Variants in SHC3 observed in about 807,000 individuals in gnomAD.
SHC3 encodes SHC adaptor protein 3.
A neutral mutation model predicts 60.4 loss-of-function variants in SHC3; 15 were observed. That is an observed-to-expected ratio of 0.25 (90% CI 0.17 to 0.38). The LOEUF is 0.38. Ranked by LOEUF, SHC3 falls within the 10% of genes least tolerant of loss-of-function variation. The pLI, the probability that SHC3 is intolerant of heterozygous loss-of-function variation, is 1.00. For missense variants in SHC3, 677 were observed against 786.1 expected (o/e 0.86, Z 1.66); for synonymous variants, 294 against 325.9 (o/e 0.90, Z 1.05).
intron 2 of SHC3, among the ~76,000 whole-genome samples, chr9:89,080,600 G>A (rs1168239064): frequency 6.6e-6 from 1 of 152,056 alleles, no homozygotes; most frequent in Non-Finnish European, 1.5e-5. Context: ...GCATTTGAGT[G>A]AGTGGGCAGC....
At chr9:89,098,739 A>G (rs1030508274) in intron 2 of SHC3, among the ~76,000 whole-genome samples, 2 of 151,990 alleles carry the variant, frequency 1.3e-5, no homozygotes, top group African/African-American at 2.4e-5. Flanking sequence ...TGAACCTGGG[A>G]GGCGGAGCTT....
At chr9:89,077,190 A>C (rs1019746959) in intron 3 of SHC3, among the ~76,000 whole-genome samples, 2 of 152,064 alleles carry the variant, frequency 1.3e-5, no homozygotes, top group Non-Finnish European at 2.9e-5. Context: ...AAAACAAAAA[A>C]AAAAACAAAA....
intron 1 of SHC3, among the ~76,000 whole-genome samples, chr9:89,127,522 A>C (rs1042616938): frequency 6.6e-6 from 1 of 152,136 alleles, no homozygotes; most frequent in Non-Finnish European, 1.5e-5. Flanking sequence ...AAACCCCAGG[A>C]ATTAAAAGTG....
intron 2 of SHC3, among the ~76,000 whole-genome samples, chr9:89,105,833 G>C (rs1362911666): frequency 6.6e-6 from 1 of 152,150 alleles, no homozygotes; most frequent in African/African-American, 2.4e-5. Context: ...ACTTCAGTTT[G>C]TTGCATCAAA....
In SHC3 at chr9:89,110,338, G is replaced by A. The variant is rs919339998; in HGVS notation, c.545+2218C>T. On this transcript the variant is annotated intron_variant, in intron 2 of 11. Transcript: ENST00000375835. ...TTTTAATAAAAGGTGTGACTGGAGT[G>A]CCTTTGGAAACCAGTTTTCCTGGTG... The A allele has an allele frequency of 5.1e-6, 5 of 984,726 alleles. No homozygotes were observed. In the African/African-American group the frequency reaches 7.0e-5, roughly 14 times the overall value. 61.0% of individuals were successfully genotyped at this position (984,726 alleles called of 1,614,324 possible).
rs181494980 is a variant in SHC3, at chr9:89,153,943, G to A, written c.474+24044C>T. On this transcript the variant is annotated intron_variant, in intron 1 of 11. Transcript: ENST00000375835. ...AGAGCCTTTCACAGACATTCCCTTCGTTCCTCCTGACGACCTTATAAACAG... is the reference window on the plus strand; with the variant it reads ...AGAGCCTTTCACAGACATTCCCTTCATTCCTCCTGACGACCTTATAAACAG... 1.3e-3 allele frequency among the ~76,000 whole-genome samples: 205 copies of A among 152,216 alleles called. 1 individual carries two copies. The highest frequency in any genetic ancestry group is 4.5e-3 in the African/African-American group (187 of 41,526).
At chr9:89,168,794 T>C (rs1826827063) in intron 1 of SHC3, among the ~76,000 whole-genome samples, 1 of 152,314 alleles carries the variant, frequency 6.6e-6, no homozygotes, top group East Asian at 1.9e-4. Context: ...AATAAACAGA[T>C]GGCCTTCCCC....
At chr9:89,163,787 T>G (rs1826745866) in intron 1 of SHC3, among the ~76,000 whole-genome samples, 1 of 151,936 alleles carries the variant, frequency 6.6e-6, no homozygotes, top group South Asian at 2.1e-4. Flanking sequence ...ACTGGGTGGC[T>G]TAAACTACAC....
At chr9:89,160,367 C>T (rs549327929) in intron 1 of SHC3, among the ~76,000 whole-genome samples, 28 of 152,198 alleles carry the variant, frequency 1.8e-4, no homozygotes, top group African/African-American at 6.3e-4. Flanking sequence ...TTTCTGATAA[C>T]CCCAGCCCAC....
At position 89,038,858 on chromosome 9, in the gene SHC3, C is replaced by T. The variant is rs150003652; in HGVS notation, c.1361-570G>A. ...TGTGACTTGCCCCAGGCTAGGAGCT[C>T]CACCTTCCCTTAACCTTCACTTGTT... On this transcript the variant is annotated intron_variant, in intron 10 of 11. Coordinates refer to ENST00000375835, the MANE Select transcript of SHC3 (RefSeq NM_016848.6). 6.7e-3 allele frequency among the ~76,000 whole-genome samples: 1,013 copies of T among 152,312 alleles called. 3 individuals are homozygous for T. The highest frequency in any genetic ancestry group is 0.011 in the South Asian group (53 of 4,828).
chr9:89,131,896 AAGTT>A (rs1197048850), intron 1 of SHC3, among the ~76,000 whole-genome samples: 1 of 152,174 alleles, frequency 6.6e-6, no homozygotes, highest in East Asian at 1.9e-4. Context: ...ATAGTGTTGG[AAGTT>A]CTGGCCAGGG....
chr9:89,155,607 C>T (rs1019301389), intron 1 of SHC3, among the ~76,000 whole-genome samples: 2 of 152,176 alleles, frequency 1.3e-5, no homozygotes, highest in African/African-American at 4.8e-5. Flanking sequence ...AAAAGCCACC[C>T]TAAGTAGCCC....
chr9:89,162,294 C>A (rs1297753655), intron 1 of SHC3, among the ~76,000 whole-genome samples: 3 of 151,514 alleles, frequency 2.0e-5, no homozygotes, highest in African/African-American at 4.9e-5. Flanking sequence ...AGTCAATCCT[C>A]AGCCAAAAGA....
chr9:89,124,863 AAAT>A (rs1482822577), intron 1 of SHC3, among the ~76,000 whole-genome samples: 2 of 152,168 alleles, frequency 1.3e-5, no homozygotes, highest in African/African-American at 4.8e-5. Flanking sequence ...ATAAAAAAAA[AAAT>A]AAGAAATCTG....
intron 2 of SHC3, among the ~76,000 whole-genome samples, chr9:89,084,211 A>T (rs1224733277): frequency 6.6e-6 from 1 of 152,180 alleles, no homozygotes; most frequent in Non-Finnish European, 1.5e-5. Flanking sequence ...TTAGCAGTTC[A>T]CCTGTGCCAT....
intron 2 of SHC3, chr9:89,109,012 G>A (rs1325059294): frequency 5.1e-6 from 5 of 972,292 alleles, no homozygotes; most frequent in Admixed American, 6.2e-5. Context: ...CTCGACTTCT[G>A]ACATTCTCTG....
At chr9:89,045,909 A>T (rs1824764833) in intron 8 of SHC3, 76 bp from the exon 9 acceptor site, 3 of 1,442,896 alleles carry the variant, frequency 2.1e-6, no homozygotes, top group Non-Finnish European at 2.9e-6. Context: ...GCCACAAGAC[A>T]GTCGGCGAGT....
Position 89,007,081 on chromosome 9 carries a change from G to C in SHC3, c.*6366C>G, listed in dbSNP as rs1217254486. On this transcript the variant is annotated 3_prime_UTR_variant, in exon 12 of 12. Transcript: ENST00000375835. ...TTTTTCAGCGAGAACCATTTTTCCA[G>C]ACCTAGGGAAGGAGCCTGTGTGTTT... The C allele has an allele frequency of 6.6e-6, 1 of 152,176 alleles. No individual in the cohort carries two copies. Among genetic ancestry groups the C allele is most frequent in the Non-Finnish European group, 1.5e-5 (1 of 68,016 alleles). 9.4% of individuals were successfully genotyped at this position (152,176 alleles called of 1,614,324 possible).
In SHC3 at chr9:89,082,694, G is replaced by A. The variant is rs140129092; in HGVS notation, c.546-4791C>T. 9.2e-5 allele frequency among the ~76,000 whole-genome samples: 14 copies of A among 152,286 alleles called. No homozygotes were observed. In the East Asian group the frequency reaches 2.3e-3, roughly 25 times the overall value. ...CCCTCTTCCCAAGCCCTTTGTAGGA[G>A]GGCCAGCCCTCCCTTGAACTGTTGG... On this transcript the variant is annotated intron_variant, in intron 2 of 11. Transcript: ENST00000375835.
Sources: gnomAD v4.1 joint callset for allele counts (sites outside exome capture counted in the v4.1 genomes callset) on GRCh38, gnomAD v4.1.1 for gene constraint, MANE v1.5 for transcripts, NCBI Gene and HGNC (gene_info 2026-07-23, HGNC 2026-07-21) for gene names.